Variants in FBN2 observed in about 807,000 individuals in gnomAD.
FBN2 encodes fibrillin-2.
A neutral mutation model predicts 355.6 loss-of-function variants in FBN2; 105 were observed. The ratio of observed to expected loss-of-function variants is 0.30; its 90% confidence interval spans 0.25 to 0.35. The LOEUF (loss-of-function observed/expected upper bound fraction) is 0.35. Ranked by LOEUF, FBN2 falls within the 10% of genes least tolerant of loss-of-function variation. The pLI is 1.00. For missense variants in FBN2, 3,280 were observed against 3,758.7 expected, an observed-to-expected ratio of 0.87 and a Z score of 3.33; for synonymous variants, 1,350 against 1,301.2, an observed-to-expected ratio of 1.04 and a Z score of -0.81.
At chr5:128,394,217 A>C (rs1043594342) in intron 9 of FBN2, among the ~76,000 whole-genome samples, 1 of 152,302 alleles carries the variant, frequency 6.6e-6, no homozygotes, top group African/African-American at 2.4e-5. Context: ...CACGCTTTTA[A>C]TTCAATGAGA....
chr5:128,360,753 A>C (rs1751618538), intron 19 of FBN2, among the ~76,000 whole-genome samples: 1 of 151,986 alleles, frequency 6.6e-6, no homozygotes, highest in Non-Finnish European at 1.5e-5. Flanking sequence ...ATGAAGAGAG[A>C]ATGTTACATC....
At chr5:128,337,855 C>G (rs1750887497) in intron 27 of FBN2, 142 bp downstream of exon 27, 1 of 858,494 alleles carries the variant, frequency 1.2e-6, no homozygotes, top group Non-Finnish European at 1.9e-6. Flanking sequence ...ACACAGCCTG[C>G]ATCCAGATGT....
intron 7 of FBN2, among the ~76,000 whole-genome samples, chr5:128,427,423 C>G (rs1451088209): frequency 6.6e-6 from 1 of 152,082 alleles, no homozygotes; most frequent in Non-Finnish European, 1.5e-5. Context: ...ACCCTGACCC[C>G]CACCAAAAGG....
intron 11 of FBN2, 117 bp from the exon 12 acceptor site, chr5:128,379,007 T>G: frequency 9.1e-7 from 1 of 1,103,882 alleles, no homozygotes; most frequent in Non-Finnish European, 1.4e-6. Flanking sequence ...ATAGTCTAAA[T>G]AGCGAAGTAT....
At chr5:128,499,481 G>C (rs1429366574) in intron 5 of FBN2, among the ~76,000 whole-genome samples, 1 of 152,150 alleles carries the variant, frequency 6.6e-6, no homozygotes, top group Non-Finnish European at 1.5e-5. Context: ...AGATTCTTAT[G>C]TAATTGATAG....
intron 2 of FBN2, among the ~76,000 whole-genome samples, chr5:128,532,506 G>A (rs6595838): frequency 0.4 from 60,948 of 151,950 alleles, 15,043 homozygotes; most frequent in African/African-American, 0.71. Context: ...TCTCTCTTTC[G>A]GCACAAGGGC....
chr5:128,467,034 C>G (rs1432164154), intron 5 of FBN2, among the ~76,000 whole-genome samples: 1 of 151,880 alleles, frequency 6.6e-6, no homozygotes, highest in African/African-American at 2.4e-5. Flanking sequence ...GTGTGAATAC[C>G]CATGTTCACA....
intron 6 of FBN2, among the ~76,000 whole-genome samples, chr5:128,448,692 A>G (rs1754141968): frequency 6.6e-6 from 1 of 152,166 alleles, no homozygotes; most frequent in Admixed American, 6.5e-5. Context: ...TATTATAAAT[A>G]CCCTAATATT....
intron 5 of FBN2, among the ~76,000 whole-genome samples, chr5:128,517,513 A>C (rs887274992): frequency 1.3e-5 from 2 of 152,286 alleles, no homozygotes; most frequent in African/African-American, 4.8e-5. Flanking sequence ...ATTCATCCTA[A>C]GTGTAACATT....
Position 128,463,099 on chromosome 5 carries a change from C to T in FBN2, c.826+1625G>A, listed in dbSNP as rs539467281. Among the ~76,000 whole-genome samples, 10 of 152,110 alleles carry T rather than the reference C, an allele frequency of 6.6e-5. No individual in the cohort carries two copies. The South Asian group carries it at 1.0e-3, about 16-fold the overall frequency. On this transcript the variant is annotated intron_variant, in intron 6 of 64. Transcript: ENST00000262464. The stretch of plus-strand genomic sequence containing the variant: ...TATAGTAAATCCAGTCATTATTAAA[C>T]TAGTAAATCAATATAGTAGAGTATT...
chr5:128,477,890 T>G (rs1755048049), intron 5 of FBN2, among the ~76,000 whole-genome samples: 1 of 152,230 alleles, frequency 6.6e-6, no homozygotes, highest in Admixed American at 6.5e-5. Flanking sequence ...AATTTATCCC[T>G]TCCCTTGTTT....
intron 34 of FBN2, among the ~76,000 whole-genome samples, chr5:128,319,824 T>G (rs1750321121): frequency 6.6e-6 from 1 of 152,214 alleles, no homozygotes. Flanking sequence ...TGTATAGCTG[T>G]GGAAATAATC....
chr5:128,266,626 C>T (rs1054525029), intron 62 of FBN2, among the ~76,000 whole-genome samples: 1 of 152,134 alleles, frequency 6.6e-6, no homozygotes, highest in Admixed American at 6.5e-5. Flanking sequence ...CTTCAGGAAA[C>T]TGAAACACTT....
intron 7 of FBN2, among the ~76,000 whole-genome samples, chr5:128,440,986 T>C (rs150359473): frequency 3.9e-4 from 59 of 152,184 alleles, no homozygotes; most frequent in African/African-American, 1.3e-3. Context: ...CCTGAAGCAG[T>C]AGATTTGGGT....
At position 128,537,477 on chromosome 5, in the gene FBN2, G is replaced by A; in HGVS notation, c.127C>T (p.Pro43Ser). The part of the protein sequence containing the change: ...PPPKPPRPQP[P>S]PQQVRSATAG... ...GTAGCGGACCGAACCTGTTGCGGCGGCGGCTGGGGCCGGGGCGGCTTGGGC... is the reference window on the plus strand; with the variant it reads ...GTAGCGGACCGAACCTGTTGCGGCGACGGCTGGGGCCGGGGCGGCTTGGGC... The change falls in exon 1 of 65, where the codon CCG becomes TCG. Residue 43 changes from proline to serine, a missense_variant. This residue lies in a region of FBN2 where 203 missense variants were observed against 142.2 expected (regional missense o/e 1.43). Coordinates refer to ENST00000262464, the MANE Select transcript of FBN2 (RefSeq NM_001999.4). 6.3e-7 allele frequency: 1 copy of A among 1,599,290 alleles called. No individual in the cohort carries two copies. Among genetic ancestry groups the A allele is most frequent in the Non-Finnish European group, 8.5e-7 (1 of 1,174,750 alleles).
rs115218615 is a variant in FBN2 at position 128,366,924 on chromosome 5, C to A, written c.2249-494G>T. Among the ~76,000 whole-genome samples, 575 of 152,238 alleles carry A rather than the reference C, an allele frequency of 3.8e-3. 4 individuals are homozygous for A. Among genetic ancestry groups the A allele is most frequent in the African/African-American group, 0.013 (541 of 41,542 alleles). ...AGGGGGAAACAGAGAAGTGCAGTAA[C>A]TTGACCAAAGTCACAGAGGTTGTAA... On this transcript the variant is annotated intron_variant, in intron 16 of 64. Coordinates refer to ENST00000262464, the MANE Select transcript of FBN2 (RefSeq NM_001999.4).
intron 20 of FBN2, among the ~76,000 whole-genome samples, chr5:128,355,580 G>A (rs3792871): frequency 0.093 from 14,112 of 152,162 alleles, 738 homozygotes; most frequent in Non-Finnish European, 0.11. Context: ...ACCTGGACCT[G>A]TGGAAGAGAA....
At chr5:128,529,378 T>C (rs1424151967) in intron 3 of FBN2, among the ~76,000 whole-genome samples, 1 of 152,104 alleles carries the variant, frequency 6.6e-6, no homozygotes, top group Non-Finnish European at 1.5e-5. Context: ...AAGTCAAGGG[T>C]GTTTCAAAGA....
chr5:128,430,993 GAAC>G (rs1299767272), intron 7 of FBN2, among the ~76,000 whole-genome samples: 2 of 152,142 alleles, frequency 1.3e-5, no homozygotes, highest in African/African-American at 4.8e-5. Flanking sequence ...CATAAACATA[GAAC>G]AACTGAAATG....
Sources: gnomAD v4.1 joint callset for allele counts (sites outside exome capture counted in the v4.1 genomes callset) on GRCh38, gnomAD v4.1.1 for gene constraint, gnomAD v4.1.1 regional missense constraint, MANE v1.5 for transcripts, NCBI Gene and HGNC (gene_info 2026-07-23, HGNC 2026-07-21) for gene names.